The following DLG2 variants were observed in gnomAD, a reference collection of about 807,000 sequenced individuals.
DLG2 encodes the protein disks large homolog 2.
Under a neutral mutation model 132.5 loss-of-function variants are expected in DLG2, and 45 were observed. That is an observed-to-expected ratio of 0.34 (90% CI 0.27 to 0.44). The LOEUF is 0.44. Among genes scored for constraint, DLG2 ranks in the 20% least tolerant of loss-of-function variants. The pLI, the probability that DLG2 is intolerant of heterozygous loss-of-function variation, is 1.00. For synonymous variants in DLG2, 424 were observed against 419.6 expected, an observed-to-expected ratio of 1.01 and a Z score of -0.13; for missense variants, 1,045 against 1,196.9, an observed-to-expected ratio of 0.87 and a Z score of 1.87.
intron 7 of DLG2, among the ~76,000 whole-genome samples, chr11:84,291,535 T>G (rs564376866): frequency 6.6e-6 from 1 of 152,306 alleles, no homozygotes; most frequent in Admixed American, 6.5e-5. Context: ...TTATATAAGC[T>G]TATTAAATAA....
chr11:85,131,139 A>C (rs930983919), intron 5 of DLG2, among the ~76,000 whole-genome samples: 1 of 152,148 alleles, frequency 6.6e-6, no homozygotes, highest in African/African-American at 2.4e-5. Flanking sequence ...TCACCTATGT[A>C]CCTGTAGTCA....
At chr11:85,607,208 G>A (rs1482664426) in intron 2 of DLG2, among the ~76,000 whole-genome samples, 1 of 152,176 alleles carries the variant, frequency 6.6e-6, no homozygotes, top group Middle Eastern at 3.2e-3. Context: ...ACAGCCGCCG[G>A]ACTAAAGACA....
chr11:83,621,535 T>A (rs1195832280), intron 19 of DLG2, among the ~76,000 whole-genome samples: 2 of 152,078 alleles, frequency 1.3e-5, no homozygotes, highest in Non-Finnish European at 2.9e-5. Flanking sequence ...TTTGAAAGAT[T>A]TGCTTTAGTG....
chr11:85,005,105 T>TA (rs1190231055), intron 6 of DLG2, among the ~76,000 whole-genome samples: 1 of 152,244 alleles, frequency 6.6e-6, no homozygotes, highest in African/African-American at 2.4e-5. Flanking sequence ...TTGGTACCAA[T>TA]AACATGCTGT....
Position 83,804,130 on chromosome 11 carries a change from A to G in DLG2, c.1723-17338T>C, listed in dbSNP as rs543060406. On this transcript the variant is annotated intron_variant, in intron 17 of 27. Transcript: ENST00000376104. ...TTGTGAGTTTAGGCAAACTGTGTCA[A>G]GAACTCTTAAGTCCCCTCTTCCCAA... Among the ~76,000 whole-genome samples, 21 of 152,228 alleles carry G rather than the reference A, an allele frequency of 1.4e-4. 1 individual carries two copies. The East Asian group carries it at 3.7e-3, about 27-fold the overall frequency.
chr11:84,328,787 C>A (rs550738294), intron 7 of DLG2, among the ~76,000 whole-genome samples: 216 of 152,258 alleles, frequency 1.4e-3, no homozygotes, highest in Non-Finnish European at 2.4e-3. Flanking sequence ...TCCTTAGAGA[C>A]CTAACATTTT....
At chr11:83,478,807 C>A (rs1365375632) in intron 22 of DLG2, among the ~76,000 whole-genome samples, 1 of 151,954 alleles carries the variant, frequency 6.6e-6, no homozygotes, top group Admixed American at 6.6e-5. Flanking sequence ...TGTCATTGGT[C>A]TTCCTGGAAC....
At chr11:84,506,084 T>C (rs907938451) in intron 7 of DLG2, among the ~76,000 whole-genome samples, 3 of 130,024 alleles carry the variant, frequency 2.3e-5, no homozygotes, top group Non-Finnish European at 4.7e-5. Context: ...CAGTTCTTTT[T>C]TTTTTTTTTG....
intron 19 of DLG2, among the ~76,000 whole-genome samples, chr11:83,628,150 C>G (rs975393266): frequency 6.6e-6 from 1 of 152,158 alleles, no homozygotes; most frequent in Non-Finnish European, 1.5e-5. Context: ...AAAATTTTCT[C>G]TCATTCTGTA....
chr11:84,995,696 C>G (rs2057577991), intron 6 of DLG2, among the ~76,000 whole-genome samples: 1 of 151,690 alleles, frequency 6.6e-6, no homozygotes, highest in East Asian at 1.9e-4. Flanking sequence ...AATAATAGAG[C>G]CCAACTTAAA....
At chr11:83,541,630 C>CA in intron 20 of DLG2, 52 bp downstream of exon 20, 1 of 1,454,048 alleles carries the variant, frequency 6.9e-7, no homozygotes, top group South Asian at 1.4e-5. Context: ...CCCTCATCTC[C>CA]ACTCGCTGGA....
At chr11:85,346,226 T>C (rs1320603880) in intron 3 of DLG2, among the ~76,000 whole-genome samples, 1 of 151,810 alleles carries the variant, frequency 6.6e-6, no homozygotes, top group Non-Finnish European at 1.5e-5. Flanking sequence ...CTCGTTCTGT[T>C]GCCCAGGCTG....
chr11:84,558,398 T>G (rs1222903709), intron 6 of DLG2, among the ~76,000 whole-genome samples: 2 of 152,196 alleles, frequency 1.3e-5, no homozygotes, highest in African/African-American at 4.8e-5. Flanking sequence ...CTTATGGGTA[T>G]AGCACACATG....
intron 5 of DLG2, among the ~76,000 whole-genome samples, chr11:85,134,194 C>G (rs1403486040): frequency 6.6e-6 from 1 of 151,640 alleles, no homozygotes; most frequent in Non-Finnish European, 1.5e-5. Flanking sequence ...GGGACCCATA[C>G]ACTTTATCTC....
intron 17 of DLG2, among the ~76,000 whole-genome samples, chr11:83,789,739 G>A (rs1007255143): frequency 6.6e-6 from 1 of 152,068 alleles, no homozygotes; most frequent in African/African-American, 2.4e-5. Flanking sequence ...GCAGAGATGG[G>A]GTTTCACCAT....
chr11:84,590,793 C>A (rs574139115), intron 6 of DLG2, among the ~76,000 whole-genome samples: 2 of 152,068 alleles, frequency 1.3e-5, no homozygotes. Context: ...TCATAGAGCA[C>A]GCAAACTTTT....
intron 6 of DLG2, among the ~76,000 whole-genome samples, chr11:84,858,658 G>A (rs17147642): frequency 0.012 from 1,749 of 152,054 alleles, 35 homozygotes; most frequent in African/African-American, 0.039. Flanking sequence ...ACATGTTTTT[G>A]TGAATTAGAC....
intron 3 of DLG2, among the ~76,000 whole-genome samples, chr11:85,590,570 C>T (rs532062668): frequency 4.0e-5 from 6 of 151,794 alleles, no homozygotes; most frequent in East Asian, 3.8e-4. Flanking sequence ...GATATTACTA[C>T]GCTATTTCAG....
rs554415201 is a variant in DLG2 at position 85,369,203 on chromosome 11, G to A, written c.41-83838C>T. On this transcript the variant is annotated intron_variant, in intron 3 of 27. Transcript: ENST00000376104. ...TTTTTCAGGATGGACAGGCAAGCGG[G>A]GTCTCCTTGCTCCCCCTCCCCTCTG... 2.6e-5 allele frequency among the ~76,000 whole-genome samples: 4 copies of A among 152,142 alleles called. No homozygotes were observed. In the East Asian group the frequency reaches 7.8e-4, roughly 30 times the overall value.
Sources: gnomAD v4.1 joint callset for allele counts (sites outside exome capture counted in the v4.1 genomes callset) on GRCh38, gnomAD v4.1.1 for gene constraint, MANE v1.5 for transcripts, NCBI Gene and HGNC (gene_info 2026-07-23, HGNC 2026-07-21) for gene names.